ALK: variants seen among roughly 807,000 people sequenced by gnomAD.
ALK encodes ALK receptor tyrosine kinase.
A neutral mutation model predicts 163.1 loss-of-function variants in ALK; 74 were observed. The observed-to-expected ratio is 0.45, with a 90% confidence interval of 0.38 to 0.55. The LOEUF is 0.55. Among genes scored for constraint, ALK ranks in the 20% least tolerant of loss-of-function variants. The pLI is 0.00. For synonymous variants in ALK, 960 were observed against 843.2 expected (o/e 1.14, Z -2.40); for missense variants, 2,063 against 2,105.3 (o/e 0.98, Z 0.39).
chr2:29,800,414 G>A (rs374590867), intron 1 of ALK, among the ~76,000 whole-genome samples: 39 of 152,286 alleles, frequency 2.6e-4, no homozygotes, highest in South Asian at 1.2e-3. Flanking sequence ...GTTTTATTGC[G>A]TTCACAGGCA....
chr2:29,548,621 T>C lies in ALK; in HGVS notation c.953-16505A>G, dbSNP rs186441895. Among the ~76,000 whole-genome samples the C allele has an allele frequency of 8.5e-5, 13 of 152,238 alleles. No individual in the cohort carries two copies. In the East Asian group the frequency reaches 2.1e-3, roughly 25 times the overall value. On this transcript the variant is annotated intron_variant, in intron 3 of 28. Transcript: ENST00000389048. ...TAAGTCATCGCAGCGAAGGCTTCTG[T>C]TGTTTTGGAGCTGAACTTCTATAAG... is the stretch of plus-strand genomic sequence containing the variant.
chr2:29,483,950 C>G (rs1419556740), intron 4 of ALK, among the ~76,000 whole-genome samples: 1 of 152,156 alleles, frequency 6.6e-6, no homozygotes, highest in Non-Finnish European at 1.5e-5. Flanking sequence ...GGAGGCCTCA[C>G]AATCACGGCG....
intron 5 of ALK, among the ~76,000 whole-genome samples, chr2:29,374,673 C>T (rs567830278): frequency 4.6e-5 from 7 of 151,900 alleles, no homozygotes; most frequent in African/African-American, 9.7e-5. Flanking sequence ...CTGCAGGGGG[C>T]GCAGATGGAA....
At chr2:29,521,018 A>C (rs937631201) in intron 4 of ALK, among the ~76,000 whole-genome samples, 2 of 152,188 alleles carry the variant, frequency 1.3e-5, no homozygotes, top group African/African-American at 4.8e-5. Context: ...GTCCCACAGA[A>C]TGAACAGCAC....
chr2:29,337,130 G>A (rs932607843), intron 5 of ALK, among the ~76,000 whole-genome samples: 15 of 152,176 alleles, frequency 9.9e-5, no homozygotes, highest in South Asian at 4.1e-4. Context: ...CCTTTCTGAC[G>A]TTAATGGGGG....
chr2:29,430,867 G>A (rs1269480849), intron 4 of ALK, among the ~76,000 whole-genome samples: 3 of 152,160 alleles, frequency 2.0e-5, no homozygotes, highest in Non-Finnish European at 4.4e-5. Flanking sequence ...CACCTTGATC[G>A]GGAACTTCAG....
chr2:29,778,671 C>A (rs1179916935), intron 1 of ALK, among the ~76,000 whole-genome samples: 6 of 152,138 alleles, frequency 3.9e-5, no homozygotes, highest in African/African-American at 1.4e-4. Flanking sequence ...ATTCCTATGG[C>A]AGCTGAAAGT....
chr2:29,770,931 A>G (rs964686727), intron 1 of ALK, among the ~76,000 whole-genome samples: 1 of 152,044 alleles, frequency 6.6e-6, no homozygotes, highest in African/African-American at 2.4e-5. Context: ...ACGCAGTCAC[A>G]CACACATAGA....
intron 3 of ALK, among the ~76,000 whole-genome samples, chr2:29,593,340 C>T (rs1675115897): frequency 6.6e-6 from 1 of 152,182 alleles, no homozygotes; most frequent in Admixed American, 6.5e-5. Flanking sequence ...TATGGAGAAA[C>T]AGGGAGTGAA....
intron 1 of ALK, among the ~76,000 whole-genome samples, chr2:29,794,739 C>T (rs1664265713): frequency 6.6e-6 from 1 of 152,076 alleles, no homozygotes; most frequent in Non-Finnish European, 1.5e-5. Context: ...AATAACTTCG[C>T]CACCTTATAG....
At chr2:29,535,019 A>G (rs543737405) in intron 3 of ALK, among the ~76,000 whole-genome samples, 3 of 152,396 alleles carry the variant, frequency 2.0e-5, no homozygotes, top group East Asian at 3.9e-4. Context: ...AAGGGAAAAA[A>G]TACATTTCAT....
intron 4 of ALK, among the ~76,000 whole-genome samples, chr2:29,477,419 A>G (rs1051239252): frequency 2.0e-5 from 3 of 152,158 alleles, no homozygotes; most frequent in Admixed American, 6.5e-5. Flanking sequence ...TGAAACCATG[A>G]AATTGCTTAG....
At chr2:29,568,779 T>C (rs145629949) in intron 3 of ALK, among the ~76,000 whole-genome samples, 1 of 152,330 alleles carries the variant, frequency 6.6e-6, no homozygotes, top group African/African-American at 2.4e-5. Flanking sequence ...GGTCCTGTTT[T>C]GTCATCTATA....
rs1376612666 is a variant in ALK at position 29,232,442 on chromosome 2, C to G, written c.2494G>C (p.Asp832His). 6.2e-7 allele frequency: 1 copy of G among 1,614,270 alleles called. No individual in the cohort carries two copies. The highest frequency in any genetic ancestry group is 2.2e-5 in the East Asian group (1 of 44,892). Residue 832 changes from aspartate (D) to histidine (H), a missense_variant, in exon 15 of 29, where the codon GAT (aspartate) becomes CAT (histidine). Asp to His is a moderately conservative substitution (Grantham distance 81, BLOSUM62 -1). Transcript: ENST00000389048. ...ATGATCAGGGGCACCGGCACTCCAT[C>G]CTTCATCTGACCAGGGGAGACATTC... ...GGATYVFKMK[D>H]GVPVPLIIAA... is the part of the protein sequence containing the mutation.
intron 3 of ALK, among the ~76,000 whole-genome samples, chr2:29,609,939 G>T (rs1675645170): frequency 6.6e-6 from 1 of 152,050 alleles, no homozygotes; most frequent in South Asian, 2.1e-4. Context: ...ACTGCACCTG[G>T]CCTAGATTTA....
intron 1 of ALK, among the ~76,000 whole-genome samples, chr2:29,802,743 G>A (rs1029845477): frequency 1.3e-4 from 20 of 151,536 alleles, no homozygotes; most frequent in South Asian, 2.1e-4. Flanking sequence ...TACCTACACT[G>A]GAAAGGGGAA....
intron 4 of ALK, among the ~76,000 whole-genome samples, chr2:29,436,908 C>G (rs1038903316): frequency 1.3e-5 from 2 of 152,170 alleles, no homozygotes; most frequent in African/African-American, 4.8e-5. Context: ...TTAGGGAGCA[C>G]AGGCCCGAAG....
At chr2:29,679,702 T>C (rs895118540) in intron 3 of ALK, among the ~76,000 whole-genome samples, 4 of 149,842 alleles carry the variant, frequency 2.7e-5, no homozygotes, top group Non-Finnish European at 6.0e-5. Context: ...TTACATAATT[T>C]TGTCTTTTAA....
chr2:29,795,557 C>T (rs984144603), intron 1 of ALK, among the ~76,000 whole-genome samples: 4 of 151,822 alleles, frequency 2.6e-5, no homozygotes, highest in Non-Finnish European at 5.9e-5. Flanking sequence ...ATAGGATAAA[C>T]AAAACAGAAC....
Sources: allele counts gnomAD v4.1 joint callset (sites outside exome capture counted in the v4.1 genomes callset), GRCh38; gene constraint gnomAD v4.1.1; transcripts MANE v1.5; gene names NCBI Gene and HGNC (gene_info 2026-07-23, HGNC 2026-07-21).